MDFIC: variants seen among roughly 807,000 people sequenced by gnomAD.
The protein encoded by MDFIC is MyoD family inhibitor domain containing.
A neutral mutation model predicts 23.2 loss-of-function variants in MDFIC; 17 were observed. That is an observed-to-expected ratio of 0.73 (90% CI 0.50 to 1.10). The LOEUF (loss-of-function observed/expected upper bound fraction) is 1.10. Among genes scored for constraint, MDFIC ranks in the 50% least tolerant of loss-of-function variants. The pLI, the probability that MDFIC is intolerant of heterozygous loss-of-function variation, is 0.00. For synonymous variants in MDFIC, 120 were observed against 115.2 expected (o/e 1.04, Z -0.27); for missense variants, 356 against 316.6 (o/e 1.12, Z -0.95).
In MDFIC at chr7:114,926,021, T is replaced by C. The variant is rs547390188; in HGVS notation, c.94+2894T>C. 3.3e-5 allele frequency among the ~76,000 whole-genome samples: 5 copies of C among 152,382 alleles called. No individual in the cohort carries two copies. The South Asian group carries it at 8.3e-4, about 25-fold the overall frequency. On this transcript the variant is annotated intron_variant, in intron 2 of 4. Transcript: ENST00000393486. The stretch of plus-strand genomic sequence containing the variant: ...GATAGGTGAAAAGCCATTTCAGTTA[T>C]ACTTTATTTTAAGAGATAATGGATC...
chr7:115,002,467 G>A (rs1791484249), intron 4 of MDFIC, among the ~76,000 whole-genome samples: 1 of 152,188 alleles, frequency 6.6e-6, no homozygotes, highest in African/African-American at 2.4e-5. Context: ...CACTTACTCT[G>A]TGGCAGATAA....
intron 4 of MDFIC, among the ~76,000 whole-genome samples, chr7:114,990,932 C>T (rs1791143446): frequency 6.6e-6 from 1 of 151,874 alleles, no homozygotes; most frequent in African/African-American, 2.4e-5. Flanking sequence ...ACACTGTTTT[C>T]CACAATGGTT....
intron 3 of MDFIC, among the ~76,000 whole-genome samples, chr7:114,970,873 T>C (rs1176742947): frequency 6.6e-6 from 1 of 152,198 alleles, no homozygotes; most frequent in African/African-American, 2.4e-5. Context: ...GTGAATTGCA[T>C]AAAGGCAAGT....
intron 4 of MDFIC, among the ~76,000 whole-genome samples, chr7:114,988,796 G>T (rs1402748390): frequency 6.6e-6 from 1 of 152,180 alleles, no homozygotes; most frequent in East Asian, 1.9e-4. Flanking sequence ...AAATGGAGCT[G>T]GAGAGAAGGA....
intron 4 of MDFIC, among the ~76,000 whole-genome samples, chr7:114,981,500 C>T (rs77868347): frequency 1.4e-4 from 22 of 152,242 alleles, no homozygotes; most frequent in Non-Finnish European, 2.8e-4. Flanking sequence ...CCCTCTTTTA[C>T]TTTTTCTTTC....
In MDFIC at chr7:114,979,547, G is replaced by C; in HGVS notation, c.259G>C (p.Val87Leu). 6.2e-7 allele frequency: 1 copy of C among 1,613,934 alleles called. No homozygotes were observed. Among genetic ancestry groups the C allele is most frequent in the Non-Finnish European group, 8.5e-7 (1 of 1,179,922 alleles). ...RLPQLQTSAQ[V>L]PSGEEIGKIK... is the part of the protein sequence containing the mutation. ...GCCTCAGCTTCAGACTTCAGCCCAG[G>C]TGCCAAGTGGTGAGGAAATAGGCAA... Residue 87 changes from valine to leucine, a missense_variant, in exon 4 of 5, where the codon GTG (valine) becomes CTG (leucine). By Grantham distance (32) the Val-to-Leu change is conservative (BLOSUM62 1). Transcript: ENST00000393486.
intron 3 of MDFIC, among the ~76,000 whole-genome samples, chr7:114,971,148 A>G (rs1793196992): frequency 6.6e-6 from 1 of 152,218 alleles, no homozygotes; most frequent in South Asian, 2.1e-4. Context: ...GAAGGCCATA[A>G]AAAGTCTAAC....
chr7:114,930,528 C>T (rs952298437), intron 2 of MDFIC, among the ~76,000 whole-genome samples: 1 of 152,112 alleles, frequency 6.6e-6, no homozygotes, highest in African/African-American at 2.4e-5. Flanking sequence ...CTTTACATGG[C>T]TATGAGGGAA....
intron 2 of MDFIC, among the ~76,000 whole-genome samples, chr7:114,932,686 T>C (rs1344959301): frequency 6.6e-6 from 1 of 152,098 alleles, no homozygotes; most frequent in African/African-American, 2.4e-5. Context: ...AGAATATAGG[T>C]TGTGGTCTTA....
intron 3 of MDFIC, among the ~76,000 whole-genome samples, chr7:114,973,762 T>C (rs928233769): frequency 1.3e-5 from 2 of 152,152 alleles, no homozygotes; most frequent in African/African-American, 4.8e-5. Context: ...ACCGAACTAA[T>C]GTTAAAAATT....
At chr7:114,985,663 CA>C (rs1199925388) in intron 4 of MDFIC, among the ~76,000 whole-genome samples, 1 of 151,722 alleles carries the variant, frequency 6.6e-6, no homozygotes, top group Non-Finnish European at 1.5e-5. Flanking sequence ...TGAAAGTTCC[CA>C]GTGTGTGTTG....
At chr7:114,978,049 T>A (rs867253596) in intron 3 of MDFIC, among the ~76,000 whole-genome samples, 171 of 149,878 alleles carry the variant, frequency 1.1e-3, no homozygotes, top group Middle Eastern at 3.5e-3. Flanking sequence ...ATTATGCATA[T>A]TATTTATATT....
chr7:114,938,693 A>G (rs1489714652), intron 2 of MDFIC, among the ~76,000 whole-genome samples: 1 of 152,120 alleles, frequency 6.6e-6, no homozygotes. Flanking sequence ...GGTTGGGGGG[A>G]ATGTATGCCT....
intron 2 of MDFIC, among the ~76,000 whole-genome samples, chr7:114,928,618 A>G (rs184971747): frequency 4.6e-5 from 7 of 152,246 alleles, no homozygotes; most frequent in African/African-American, 1.7e-4. Context: ...AGGGTCGGAG[A>G]ACAAGATAGC....
At chr7:114,982,084 T>C (rs1793426973) in intron 4 of MDFIC, among the ~76,000 whole-genome samples, 1 of 152,224 alleles carries the variant, frequency 6.6e-6, no homozygotes, top group African/African-American at 2.4e-5. Flanking sequence ...TCCAAGATTC[T>C]GTGAGTCTCT....
intron 2 of MDFIC, among the ~76,000 whole-genome samples, chr7:114,925,733 A>G (rs1032218129): frequency 1.3e-5 from 2 of 152,136 alleles, no homozygotes; most frequent in African/African-American, 2.4e-5. Context: ...ATCTTCAGAT[A>G]TTTCAAGTGA....
Position 115,019,881 on chromosome 7 carries a change from T to C in MDFIC, c.*3946T>C, listed in dbSNP as rs1791866990. On this transcript the variant is annotated 3_prime_UTR_variant, in exon 5 of 5. Coordinates refer to ENST00000393486, the MANE Select transcript of MDFIC (RefSeq NM_001166345.3). ...AAAAGAGAATCCTTTCAACCCTTCA[T>C]CTTCGTATGCTTATACAATAAATTG... Among the ~76,000 whole-genome samples, 1 of 152,152 alleles carries C rather than the reference T, an allele frequency of 6.6e-6. No individual in the cohort carries two copies. Among genetic ancestry groups the C allele is most frequent in the Admixed American group, 6.6e-5 (1 of 15,244 alleles).
At position 114,983,233 on chromosome 7, in the gene MDFIC, A is replaced by G. The variant is rs574553761; in HGVS notation, c.493+3452A>G. Among the ~76,000 whole-genome samples, 28 of 152,334 alleles carry G rather than the reference A, an allele frequency of 1.8e-4. 1 individual carries two copies. Among genetic ancestry groups the G allele is most frequent in the Admixed American group, 1.2e-3 (19 of 15,304 alleles). On this transcript the variant is annotated intron_variant, in intron 4 of 4. Coordinates refer to ENST00000393486, the MANE Select transcript of MDFIC (RefSeq NM_001166345.3). Reference sequence around the variant, plus strand: ...AAAGCAGCTAATCATGCCCACTTTGACAATGTGTTGTATGTCTGGGTACAT... The same window carrying G: ...AAAGCAGCTAATCATGCCCACTTTGGCAATGTGTTGTATGTCTGGGTACAT...
intron 2 of MDFIC, among the ~76,000 whole-genome samples, chr7:114,929,300 G>T (rs1212227379): frequency 2.0e-5 from 3 of 152,050 alleles, no homozygotes; most frequent in African/African-American, 4.8e-5. Context: ...GTAGAGACGG[G>T]TTTCACCATA....
Sources: gnomAD v4.1 joint callset for allele counts (sites outside exome capture counted in the v4.1 genomes callset) on GRCh38, gnomAD v4.1.1 for gene constraint, MANE v1.5 for transcripts, NCBI Gene and HGNC (gene_info 2026-07-23, HGNC 2026-07-21) for gene names.